Variants in DLG1 observed in about 807,000 individuals in gnomAD.
DLG1 encodes discs large MAGUK scaffold protein 1, also known as disks large homolog 1.
A neutral mutation model predicts 123.4 loss-of-function variants in DLG1; 42 were observed. The observed-to-expected ratio is 0.34, with a 90% CI of 0.27 to 0.44. DLG1 has a LOEUF of 0.44. Among genes scored for constraint, DLG1 ranks in the 20% least tolerant of loss-of-function variants. DLG1 has a pLI of 1.00. For synonymous variants in DLG1, 317 were observed against 356.2 expected (o/e 0.89, Z 1.24); for missense variants, 942 against 1,082.6 (o/e 0.87, Z 1.82).
At chr3:197,127,472 A>T (rs1780205635) in intron 11 of DLG1, among the ~76,000 whole-genome samples, 1 of 98,858 alleles carries the variant, frequency 1.0e-5, no homozygotes, top group Admixed American at 1.0e-4. Context: ...ATATATATAT[A>T]TATATATATA....
At chr3:197,274,028 A>C (rs866916725) in intron 4 of DLG1, among the ~76,000 whole-genome samples, 154 of 152,252 alleles carry the variant, frequency 1.0e-3, no homozygotes, top group African/African-American at 3.4e-3. Context: ...GTCCATACTA[A>C]CCAAAGCAAT....
At chr3:197,260,134 T>G in intron 4 of DLG1, 1 of 269,512 alleles carries the variant, frequency 3.7e-6, no homozygotes. Flanking sequence ...AAGCATCACA[T>G]GGATTCACAC....
In DLG1 at chr3:197,130,627, T is replaced by C. The variant is rs770090036; in HGVS notation, c.1065A>G (p.Val355=). 13 of 1,610,356 alleles carry C rather than the reference T, an allele frequency of 8.1e-6. No homozygotes were observed. Among genetic ancestry groups the C allele is most frequent in the Non-Finnish European group, 9.3e-6 (11 of 1,178,926 alleles). ...CLEEVTHEEA[V]TALKNTSDFV... ...AATCAGATGTGTTCTTTAAGGCAGT[T>C]ACTGCTTCTTCATGAGTAACTTCTT... Residue 355 remains valine (V), a synonymous_variant, in exon 11 of 25, where the codon GTA becomes GTG. Transcript: ENST00000667157.
At chr3:197,286,773 G>A (rs551845412) in intron 3 of DLG1, among the ~76,000 whole-genome samples, 4 of 152,132 alleles carry the variant, frequency 2.6e-5, no homozygotes, top group Non-Finnish European at 5.9e-5. Context: ...GGGTCACTCA[G>A]GCTGGAGTGC....
intron 5 of DLG1, among the ~76,000 whole-genome samples, chr3:197,166,644 C>G (rs1801559593): frequency 6.6e-6 from 1 of 152,148 alleles, no homozygotes; most frequent in South Asian, 2.1e-4. Context: ...AATCCCAACA[C>G]TTTGGGAGGC....
At chr3:197,165,292 A>G (rs527633212) in intron 5 of DLG1, among the ~76,000 whole-genome samples, 5 of 152,222 alleles carry the variant, frequency 3.3e-5, no homozygotes, top group Non-Finnish European at 5.9e-5. Flanking sequence ...AAACAAACTG[A>G]AAATGTATTT....
At chr3:197,063,694 T>C (rs1011166239) in intron 22 of DLG1, among the ~76,000 whole-genome samples, 5 of 152,190 alleles carry the variant, frequency 3.3e-5, no homozygotes, top group African/African-American at 7.2e-5. Context: ...CTTTTGCCCA[T>C]GTATTTTCAT....
chr3:197,201,970 A>G (rs975946767), intron 4 of DLG1, among the ~76,000 whole-genome samples: 1 of 148,726 alleles, frequency 6.7e-6, no homozygotes, highest in African/African-American at 2.5e-5. Context: ...AGAGTGTGGA[A>G]TGATGGACAA....
rs1474069010 is a variant in DLG1 at position 197,042,770 on chromosome 3, T to TAACA, written c.*1849_*1852dup. The TAACA allele has an allele frequency of 5.3e-5, 8 of 152,358 alleles. No homozygotes were observed. The South Asian group carries it at 6.2e-4, about 12-fold the overall frequency. 9.4% of individuals were successfully genotyped at this position (152,358 alleles called of 1,614,324 possible). On this transcript the variant is annotated 3_prime_UTR_variant, in exon 25 of 25. Transcript: ENST00000667157. The stretch of plus-strand genomic sequence containing the variant: ...GGTTAACAACCTACGACATTTAGTC[T>TAACA]AACAGCAGCACTGTGTATTTCAATG...
At chr3:197,150,910 T>A (rs1793545972) in intron 5 of DLG1, among the ~76,000 whole-genome samples, 1 of 151,990 alleles carries the variant, frequency 6.6e-6, no homozygotes, top group Non-Finnish European at 1.5e-5. Flanking sequence ...TAAAAATGAG[T>A]AGCTAATACT....
chr3:197,095,300 G>C (rs1179055891), intron 14 of DLG1, among the ~76,000 whole-genome samples: 3 of 151,906 alleles, frequency 2.0e-5, no homozygotes, highest in Non-Finnish European at 4.4e-5. Context: ...CTAATGCTCG[G>C]ATCCCTATGA....
At chr3:197,073,617 TCTCA>T (rs1337012290) in intron 18 of DLG1, among the ~76,000 whole-genome samples, 1 of 152,222 alleles carries the variant, frequency 6.6e-6, no homozygotes, top group Non-Finnish European at 1.5e-5. Context: ...AGACGATTTC[TCTCA>T]CTGTTTTCTC....
intron 3 of DLG1, among the ~76,000 whole-genome samples, chr3:197,290,206 AAAAG>A (rs1398416840): frequency 2.6e-5 from 4 of 152,248 alleles, no homozygotes; most frequent in Non-Finnish European, 4.4e-5. Context: ...ACACGGGAAA[AAAAG>A]AAGGAAGGCT....
Position 197,199,396 on chromosome 3 carries a change from ACT to A in DLG1, c.319-4809_319-4808del, listed in dbSNP as rs145781945. On this transcript the variant is annotated intron_variant, in intron 4 of 24. Transcript: ENST00000667157. ...CCTTATGTGATGGGTTGCAGTCAAA[ACT>A]CTGTTTCATGCACAAAATTATTAAA... 1.8e-3 allele frequency among the ~76,000 whole-genome samples: 269 copies of A among 152,074 alleles called. 5 individuals carry two copies. The East Asian group carries it at 0.038, about 21-fold the overall frequency.
chr3:197,140,949 T>C (rs1280296139), intron 7 of DLG1, among the ~76,000 whole-genome samples: 2 of 152,222 alleles, frequency 1.3e-5, no homozygotes, highest in Non-Finnish European at 2.9e-5. Context: ...TTGCTTGTTT[T>C]ATGAACTGGA....
At chr3:197,202,306 C>A (rs984349041) in intron 4 of DLG1, among the ~76,000 whole-genome samples, 1 of 152,130 alleles carries the variant, frequency 6.6e-6, no homozygotes, top group South Asian at 2.1e-4. Context: ...CCAAATTTCT[C>A]AACCAGATTA....
Position 197,251,114 on chromosome 3 carries a change from G to A in DLG1, c.318+31565C>T, listed in dbSNP as rs191322354. ...AATCTACAGATTCAGGGACAGGCAC[G>A]GTGGCTCATGCCTGTAACCCCAGCA... On this transcript the variant is annotated intron_variant, in intron 4 of 24. Transcript: ENST00000667157. Among the ~76,000 whole-genome samples, 294 of 151,704 alleles carry A rather than the reference G, an allele frequency of 1.9e-3. 2 individuals are homozygous for A. The highest frequency in any genetic ancestry group is 6.0e-3 in the African/African-American group (247 of 41,348).
At chr3:197,247,428 T>C (rs1255332730) in intron 4 of DLG1, among the ~76,000 whole-genome samples, 1 of 152,030 alleles carries the variant, frequency 6.6e-6, no homozygotes, top group Non-Finnish European at 1.5e-5. Context: ...GGTAGAGACC[T>C]TACTCCTTTC....
At chr3:197,068,712 A>C (rs1342170255) in intron 19 of DLG1, among the ~76,000 whole-genome samples, 4 of 152,332 alleles carry the variant, frequency 2.6e-5, no homozygotes, top group East Asian at 3.9e-4. Flanking sequence ...AAACAGCAAA[A>C]GAAAAATTAG....
Sources: allele counts gnomAD v4.1 joint callset (sites outside exome capture counted in the v4.1 genomes callset), GRCh38; gene constraint gnomAD v4.1.1; transcripts MANE v1.5; gene names NCBI Gene and HGNC (gene_info 2026-07-23, HGNC 2026-07-21).